The following IGFN1 variants were observed in gnomAD, a reference collection of about 807,000 sequenced individuals.
The protein encoded by IGFN1 is immunoglobulin-like and fibronectin type III domain-containing protein 1.
IGFN1 carries 253 observed loss-of-function variants against 289.5 expected under a neutral mutation model. The ratio of observed to expected loss-of-function variants is 0.87; its 90% CI spans 0.79 to 0.97. The LOEUF is 0.97. Ranked by LOEUF, IGFN1 falls within the 50% of genes least tolerant of loss-of-function variation. The pLI, the probability that IGFN1 is intolerant of heterozygous loss-of-function variation, is 0.00. For missense variants in IGFN1, 4,470 were observed against 4,686.1 expected (o/e 0.95, Z 1.35); for synonymous variants, 1,706 against 1,788.5 (o/e 0.95, Z 1.16).
intron 22 of IGFN1, 35 bp from the exon 23 acceptor site, chr1:201,226,845 TTC>T (rs1322288984): frequency 2.7e-6 from 4 of 1,506,256 alleles, no homozygotes; most frequent in African/African-American, 1.4e-5. Context: ...CTTCCTCGCT[TTC>T]TCACCCTCTT....
Position 201,200,379 on chromosome 1 carries a change from A to G in IGFN1, c.601A>G (p.Met201Val), listed in dbSNP as rs1446213840. ...TGGCATGTTGCGCAGGCTGCAGGAG[A>G]TGAAGAAGGAACAGGAGGACAAGAT... Reference protein sequence around the residue: ...YRGMLRRLQEMKKEQEDKMAQ... With the variant: ...YRGMLRRLQEVKKEQEDKMAQ... Residue 201 changes from methionine (M) to valine (V), a missense_variant, in exon 8 of 24, where the codon ATG becomes GTG. Physicochemically the swap from Met to Val is conservative, Grantham distance 21. This residue lies in a region of IGFN1 where 2,011 missense variants were observed against 1,953.4 expected (regional missense o/e 1.03). Coordinates refer to ENST00000335211, the MANE Select transcript of IGFN1 (RefSeq NM_001164586.2). 14 of 1,551,626 alleles carry G rather than the reference A, an allele frequency of 9.0e-6. No homozygotes were observed. In the Admixed American group the frequency reaches 1.2e-4, roughly 13 times the overall value.
chr1:201,224,768 G>C lies in IGFN1; in HGVS notation c.10380G>C (p.Gln3460His). 6.2e-7 allele frequency: 1 copy of C among 1,614,190 alleles called. No individual in the cohort carries two copies. The highest frequency in any genetic ancestry group is 1.1e-5 in the South Asian group (1 of 91,082). Reference protein sequence around the residue: ...SVTVTKDGLTQLLIPVAGLSD... With the variant: ...SVTVTKDGLTHLLIPVAGLSD... Reference sequence around the variant, plus strand: ...CTGTCACTAAGGATGGCCTCACCCAGCTTCTGATCCCTGTGGCTGGACTCT... The same window carrying C: ...CTGTCACTAAGGATGGCCTCACCCACCTTCTGATCCCTGTGGCTGGACTCT... Residue 3460 changes from glutamine (Q) to histidine (H), a missense_variant, in exon 21 of 24, where the codon CAG becomes CAC. Transcript: ENST00000335211.
At chr1:201,215,450 C>T (rs1653161879) in intron 14 of IGFN1, 89 bp from the exon 15 acceptor site, 2 of 1,231,140 alleles carry the variant, frequency 1.6e-6, no homozygotes, top group African/African-American at 3.0e-5. Context: ...CTTACTCTTC[C>T]CCCAAACTTC....
intron 5 of IGFN1, among the ~76,000 whole-genome samples, chr1:201,198,271 G>A (rs980080078): frequency 2.2e-4 from 33 of 152,154 alleles, no homozygotes; most frequent in Admixed American, 1.2e-3. Context: ...GAGTAGCTGG[G>A]ATTACACGCG....
intron 20 of IGFN1, chr1:201,223,044 G>A (rs935589593): frequency 7.2e-5 from 29 of 404,236 alleles, no homozygotes; most frequent in African/African-American, 5.3e-4. Context: ...CGGCTGGGTG[G>A]CCATTCTGCT....
Position 201,205,098 on chromosome 1 carries a change from G to C in IGFN1, c.933G>C (p.Val311=). Residue 311 remains valine, a synonymous_variant, in exon 11 of 24, where the codon GTG becomes GTC. Coordinates refer to ENST00000335211, the MANE Select transcript of IGFN1 (RefSeq NM_001164586.2). The stretch of plus-strand genomic sequence containing the variant: ...CCCCGGCAGCCATCCCCCCAAGAGT[G>C]GTGGTCCCACTGGCGGAGACCCACT... ...ELEASAIPPR[V]VVPLAETHCE... 6.5e-7 allele frequency: 1 copy of C among 1,547,500 alleles called. No homozygotes were observed. The highest frequency in any genetic ancestry group is 8.7e-7 in the Non-Finnish European group (1 of 1,144,446).
Position 201,208,993 on chromosome 1 carries a change from C to A in IGFN1, c.4100C>A (p.Ser1367Tyr). 6 of 1,535,578 alleles carry A rather than the reference C, an allele frequency of 3.9e-6. No homozygotes were observed. The highest frequency in any genetic ancestry group is 5.2e-6 in the Non-Finnish European group (6 of 1,146,568). ...GATTATAGCGGTGGTTTAAAGGGTT[C>A]CAGGGAAATCGGGTCAATGGATGAA... is the stretch of plus-strand genomic sequence containing the variant. ...KADYSGGLKG[S>Y]REIGSMDETD... The change falls in exon 12 of 24, where the codon TCC (serine) becomes TAC (tyrosine). Residue 1367 changes from serine (S) to tyrosine (Y), a missense_variant. Coordinates refer to ENST00000335211, the MANE Select transcript of IGFN1 (RefSeq NM_001164586.2).
rs569917735 is a variant in IGFN1 at position 201,211,527 on chromosome 1, G to C, written c.6634G>C (p.Ala2212Pro). Residue 2212 changes from alanine (A) to proline (P), a missense_variant, in exon 12 of 24, where the codon GCA becomes CCA. Coordinates refer to ENST00000335211, the MANE Select transcript of IGFN1 (RefSeq NM_001164586.2). ...TGAAGAAATGGGGTCAGTGAATAAG[G>C]CAGGTTATAGGAAGGATTTGGGGGC... ...GSEEMGSVNK[A>P]GYRKDLGAPK... 2.0e-6 allele frequency: 3 copies of C among 1,522,068 alleles called. No homozygotes were observed. Among genetic ancestry groups the C allele is most frequent in the Non-Finnish European group, 2.6e-6 (3 of 1,138,892 alleles). The allele number at this position is 1,522,068 out of a possible 1,614,324, so 94.3% of individuals were successfully genotyped here. A position where few individuals can be genotyped will look rare whatever the true frequency, so the allele number is the denominator to read the frequency against.
Position 201,213,650 on chromosome 1 carries a change from C to T in IGFN1, c.8728+29C>T, listed in dbSNP as rs749932349. On this transcript the variant is annotated intron_variant, in intron 12 of 23. Coordinates refer to ENST00000335211, the MANE Select transcript of IGFN1 (RefSeq NM_001164586.2). ...GGTGCTTCTCTGCTGAGCTGGCTCCCATGGGCTAGAGACAGTGGGGAGCTC... is the reference window on the plus strand; with the variant it reads ...GGTGCTTCTCTGCTGAGCTGGCTCCTATGGGCTAGAGACAGTGGGGAGCTC... 6 of 1,591,664 alleles carry T rather than the reference C, an allele frequency of 3.8e-6. No homozygotes were observed. The Admixed American group carries it at 8.4e-5, about 22-fold the overall frequency.
At chr1:201,214,398 C>G (rs1248984788) in intron 13 of IGFN1, 97 bp downstream of exon 13, 3 of 1,294,616 alleles carry the variant, frequency 2.3e-6, no homozygotes, top group Non-Finnish European at 1.0e-6. Flanking sequence ...AAAGATTTTT[C>G]ATTCTTCATT....
At chr1:201,197,977 G>A (rs549619026) in intron 5 of IGFN1, among the ~76,000 whole-genome samples, 7 of 152,134 alleles carry the variant, frequency 4.6e-5, no homozygotes, top group Admixed American at 6.5e-5. Context: ...GGCTGCCATC[G>A]GAGAGCTGAT....
At chr1:201,224,923 CA>C in intron 21 of IGFN1, 49 bp downstream of exon 21, 1 of 1,441,108 alleles carries the variant, frequency 6.9e-7, no homozygotes, top group South Asian at 1.3e-5. Flanking sequence ...GGCCACTCAC[CA>C]AGGCAAAGAG....
intron 9 of IGFN1, among the ~76,000 whole-genome samples, chr1:201,202,566 T>C (rs1392469042): frequency 2.0e-5 from 3 of 152,140 alleles, no homozygotes; most frequent in East Asian, 1.9e-4. Context: ...AATTCCTTCA[T>C]GGCAGAGAGA....
At chr1:201,214,887 C>T in intron 13 of IGFN1, 126 bp from the exon 14 acceptor site, 7 of 939,192 alleles carry the variant, frequency 7.5e-6, no homozygotes, top group Non-Finnish European at 9.6e-6. Flanking sequence ...CATTGGCACA[C>T]AATAAGCATT....
At position 201,216,901 on chromosome 1, in the gene IGFN1, C is replaced by G. The variant is rs147119793; in HGVS notation, c.9595+148C>G. 53 of 652,940 alleles carry G rather than the reference C, an allele frequency of 8.1e-5. No homozygotes were observed. In the African/African-American group the frequency reaches 8.9e-4, roughly 11 times the overall value. The allele number at this position is 652,940 out of a possible 1,614,324, so 40.4% of individuals were successfully genotyped here. ...CTGTAGCACTCTGGAGACTCCTTCC[C>G]TCAGCTGCATTTGGGATCTGGCACC... On this transcript the variant is annotated intron_variant, in intron 16 of 23. Transcript: ENST00000335211.
rs187854226 is a variant in IGFN1 at position 201,194,285 on chromosome 1, G to A, written c.127+12G>A. On this transcript the variant is annotated intron_variant, in intron 3 of 23. Coordinates refer to ENST00000335211, the MANE Select transcript of IGFN1 (RefSeq NM_001164586.2). ...GGCTCTGCCAGAGGGTGAGCCCAGA[G>A]GGGAGCTGCGGAGGGGAGGCAAGAT... is the stretch of plus-strand genomic sequence containing the variant. 2 of 1,550,870 alleles carry A rather than the reference G, an allele frequency of 1.3e-6. No individual in the cohort carries two copies. The highest frequency in any genetic ancestry group is 1.2e-5 in the South Asian group (1 of 84,002).
intron 11 of IGFN1, among the ~76,000 whole-genome samples, chr1:201,205,658 A>G (rs773676086): frequency 3.3e-5 from 5 of 152,178 alleles, no homozygotes; most frequent in African/African-American, 7.2e-5. Context: ...ACCAGAGAGC[A>G]CTCTCAAACT....
In IGFN1 at chr1:201,214,998, T is replaced by C. The variant is rs1393068569; in HGVS notation, c.8854-15T>C. The C allele has an allele frequency of 6.2e-7, 1 of 1,611,904 alleles. No individual in the cohort carries two copies. The highest frequency in any genetic ancestry group is 8.5e-7 in the Non-Finnish European group (1 of 1,178,676). On this transcript the variant is annotated splice_polypyrimidine_tract_variant and intron_variant, in intron 13 of 23. Transcript: ENST00000335211. ...GGAGTGGGGTGACCTTCTCCTGCTG[T>C]GGCCCTGTCTCCAGCTCACCACCCA...
rs560701825 is a variant in IGFN1 at position 201,222,010 on chromosome 1, C to T, written c.10201+264C>T. The T allele has an allele frequency of 4.2e-5, 14 of 330,954 alleles. No individual in the cohort carries two copies. The South Asian group carries it at 1.2e-3, about 28-fold the overall frequency. 20.5% of individuals were successfully genotyped at this position (330,954 alleles called of 1,614,324 possible). A position where few individuals can be genotyped will look rare whatever the true frequency, so the allele number is the denominator to read the frequency against. On this transcript the variant is annotated intron_variant, in intron 19 of 23. Transcript: ENST00000335211. ...GAGAAGGAAACTGAGGTTCAAGGTA[C>T]TTTGCCCTAGTTGTCACTAATGGTA...
Sources: gnomAD v4.1 joint callset for allele counts (sites outside exome capture counted in the v4.1 genomes callset) on GRCh38, gnomAD v4.1.1 for gene constraint, gnomAD v4.1.1 regional missense constraint, MANE v1.5 for transcripts, NCBI Gene and HGNC (gene_info 2026-07-23, HGNC 2026-07-21) for gene names.